The following PARM1 variants were observed in gnomAD, a reference collection of about 807,000 sequenced individuals.
The protein encoded by PARM1 is WSC4, cell wall integrity and stress response component 4 homolog.
A neutral mutation model predicts 24.6 loss-of-function variants in PARM1; 14 were observed. That is an observed-to-expected ratio of 0.57 (90% CI 0.38 to 0.89). The LOEUF (loss-of-function observed/expected upper bound fraction) is 0.89. Ranked by LOEUF, PARM1 falls within the 40% of genes least tolerant of loss-of-function variation. PARM1 has a pLI of 0.00. For synonymous variants in PARM1, 179 were observed against 156.6 expected, an observed-to-expected ratio of 1.14 and a Z score of -1.07; for missense variants, 362 against 380.4, an observed-to-expected ratio of 0.95 and a Z score of 0.40.
At chr4:75,003,213 T>C (rs1232859831) in intron 1 of PARM1, among the ~76,000 whole-genome samples, 1 of 152,114 alleles carries the variant, frequency 6.6e-6, no homozygotes, top group Non-Finnish European at 1.5e-5. Flanking sequence ...CAGACATTCG[T>C]TGGCGTCCTT....
chr4:75,026,837 T>C, intron 2 of PARM1, among the ~76,000 whole-genome samples: 1 of 152,322 alleles, frequency 6.6e-6, no homozygotes, highest in South Asian at 2.1e-4. Context: ...TTCATGCTAA[T>C]TTACAAAGCA....
At chr4:75,000,702 A>G (rs1022727467) in intron 1 of PARM1, among the ~76,000 whole-genome samples, 2 of 152,250 alleles carry the variant, frequency 1.3e-5, no homozygotes, top group Admixed American at 6.5e-5. Flanking sequence ...AAAGAAGGCT[A>G]CAAAAGAGCC....
chr4:75,036,664 A>G (rs1723378272), intron 3 of PARM1, among the ~76,000 whole-genome samples: 1 of 152,124 alleles, frequency 6.6e-6, no homozygotes. Context: ...CATGTTTGGA[A>G]AATTTTGTTA....
At chr4:74,949,072 C>T (rs1179183053) in intron 1 of PARM1, among the ~76,000 whole-genome samples, 1 of 152,044 alleles carries the variant, frequency 6.6e-6, no homozygotes, top group Non-Finnish European at 1.5e-5. Context: ...AATCACTTTA[C>T]AGACAAGCTT....
At chr4:74,935,909 C>T (rs1304384410) in intron 1 of PARM1, among the ~76,000 whole-genome samples, 1 of 152,118 alleles carries the variant, frequency 6.6e-6, no homozygotes, top group Non-Finnish European at 1.5e-5. Flanking sequence ...GGCGCGATTC[C>T]AGTTCCACTG....
intron 1 of PARM1, among the ~76,000 whole-genome samples, chr4:75,003,005 A>G (rs983331448): frequency 6.6e-6 from 1 of 152,146 alleles, no homozygotes; most frequent in Non-Finnish European, 1.5e-5. Context: ...AAATGTTGGG[A>G]CTGGGTCTGT....
intron 3 of PARM1, among the ~76,000 whole-genome samples, chr4:75,042,824 G>A (rs917420232): frequency 2.6e-5 from 4 of 151,646 alleles, no homozygotes; most frequent in Admixed American, 6.6e-5. Flanking sequence ...GTTTAAGCTC[G>A]TTAATGTGGT....
At chr4:75,036,992 G>A (rs1723384568) in intron 3 of PARM1, among the ~76,000 whole-genome samples, 1 of 151,932 alleles carries the variant, frequency 6.6e-6, no homozygotes, top group South Asian at 2.1e-4. Flanking sequence ...TAATTATTTT[G>A]GTAAAATGAT....
At chr4:75,032,774 T>A (rs1183920812) in intron 2 of PARM1, among the ~76,000 whole-genome samples, 1 of 152,204 alleles carries the variant, frequency 6.6e-6, no homozygotes, top group Non-Finnish European at 1.5e-5. Context: ...ATCCACATAT[T>A]CAGACTCCAC....
chr4:75,012,163 T>C (rs1017899607), intron 1 of PARM1, among the ~76,000 whole-genome samples: 1 of 152,162 alleles, frequency 6.6e-6, no homozygotes, highest in Non-Finnish European at 1.5e-5. Context: ...GATTAGTTCA[T>C]ACCATGCATT....
chr4:74,967,857 A>G (rs1256458749), intron 1 of PARM1: 1 of 152,228 alleles, frequency 6.6e-6, no homozygotes, highest in East Asian at 1.9e-4. Context: ...CAACACATAG[A>G]CGGATTGTTA....
At chr4:75,028,003 C>A (rs931204760) in intron 2 of PARM1, among the ~76,000 whole-genome samples, 2 of 152,336 alleles carry the variant, frequency 1.3e-5, no homozygotes, top group East Asian at 3.9e-4. Context: ...TTCTACTTAG[C>A]AGTTCTGTGG....
At chr4:74,943,871 A>C (rs1214594293) in intron 1 of PARM1, among the ~76,000 whole-genome samples, 1 of 152,264 alleles carries the variant, frequency 6.6e-6, no homozygotes, top group African/African-American at 2.4e-5. Flanking sequence ...TGGTAAAGTT[A>C]TAAGTTAGTC....
chr4:74,979,617 C>T (rs1362998652), intron 1 of PARM1, among the ~76,000 whole-genome samples: 2 of 152,108 alleles, frequency 1.3e-5, no homozygotes, highest in Non-Finnish European at 2.9e-5. Context: ...TTTATGAGGC[C>T]AGCACCATCT....
At chr4:75,020,517 A>C in intron 2 of PARM1, among the ~76,000 whole-genome samples, 8 of 136,092 alleles carry the variant, frequency 5.9e-5, no homozygotes, top group Non-Finnish European at 8.0e-5. Context: ...CCATCTCCCT[A>C]CTCCCTGTTG....
Position 75,012,827 on chromosome 4 carries a change from T to C in PARM1, c.446T>C (p.Ile149Thr). ...SQSAAEPPTL[I>T]SPQAPASSPS... ...TCCGCTGCTGAGCCTCCCACACTCA[T>C]CTCCCCTCAAGCTCCAGCCTCATCA... Residue 149 changes from isoleucine to threonine, a missense_variant, in exon 2 of 4, where the codon ATC becomes ACC. Transcript: ENST00000307428. 1.2e-6 allele frequency: 2 copies of C among 1,613,740 alleles called. No homozygotes were observed. The highest frequency in any genetic ancestry group is 1.7e-6 in the Non-Finnish European group (2 of 1,179,828).
chr4:74,953,032 G>A (rs1334862261), intron 1 of PARM1, among the ~76,000 whole-genome samples: 1 of 152,072 alleles, frequency 6.6e-6, no homozygotes, highest in Non-Finnish European at 1.5e-5. Flanking sequence ...CCCCACAAAA[G>A]GTAAGATAGT....
intron 2 of PARM1, among the ~76,000 whole-genome samples, chr4:75,021,854 C>T (rs1014311750): frequency 1.3e-5 from 2 of 152,128 alleles, no homozygotes; most frequent in Non-Finnish European, 2.9e-5. Flanking sequence ...TTATCTAATC[C>T]ACCATTGGTG....
chr4:74,971,505 C>T (rs1722036967), intron 1 of PARM1, among the ~76,000 whole-genome samples: 4 of 152,242 alleles, frequency 2.6e-5, no homozygotes, highest in Admixed American at 2.0e-4. Context: ...ATGTGTTTCA[C>T]AATCAATGGC....
Sources: gnomAD v4.1 joint callset for allele counts (sites outside exome capture counted in the v4.1 genomes callset) on GRCh38, gnomAD v4.1.1 for gene constraint, MANE v1.5 for transcripts, NCBI Gene and HGNC (gene_info 2026-07-23, HGNC 2026-07-21) for gene names.